Variants in TBC1D22A observed in about 807,000 individuals in gnomAD.
TBC1D22A encodes TBC1 domain family member 22A.
In TBC1D22A, 38 loss-of-function variants were observed where a neutral mutation model predicts 60.2. The ratio of observed to expected loss-of-function variants is 0.63; its 90% CI spans 0.49 to 0.83. The LOEUF is 0.83. Among genes scored for constraint, TBC1D22A ranks in the 40% least tolerant of loss-of-function variants. TBC1D22A has a pLI of 0.00. For synonymous variants in TBC1D22A, 302 were observed against 281.7 expected, an observed-to-expected ratio of 1.07 and a Z score of -0.72; for missense variants, 628 against 701.0, an observed-to-expected ratio of 0.90 and a Z score of 1.18.
At chr22:46,778,415 A>G (rs934733980) in intron 1 of TBC1D22A, among the ~76,000 whole-genome samples, 1 of 152,170 alleles carries the variant, frequency 6.6e-6, no homozygotes, top group African/African-American at 2.4e-5. Context: ...TTTTCTTTAT[A>G]TCCTGACTCG....
chr22:47,088,976 G>A (rs2064808992), intron 11 of TBC1D22A, among the ~76,000 whole-genome samples: 1 of 152,168 alleles, frequency 6.6e-6, no homozygotes, highest in Non-Finnish European at 1.5e-5. Context: ...GGAAACGGAT[G>A]GAACTCAGCA....
At chr22:47,136,629 C>T (rs543048791) in intron 12 of TBC1D22A, among the ~76,000 whole-genome samples, 10 of 148,946 alleles carry the variant, frequency 6.7e-5, no homozygotes, top group Non-Finnish European at 1.3e-4. Context: ...ACCAAGAGCC[C>T]GGGCAATCAG....
At chr22:47,154,012 T>G (rs2067610087) in intron 12 of TBC1D22A, among the ~76,000 whole-genome samples, 1 of 151,668 alleles carries the variant, frequency 6.6e-6, no homozygotes, top group Non-Finnish European at 1.5e-5. Flanking sequence ...GAGGTGTGAG[T>G]GGCTGTGAGA....
intron 11 of TBC1D22A, among the ~76,000 whole-genome samples, chr22:47,075,304 G>T (rs1462555068): frequency 6.6e-6 from 1 of 151,948 alleles, no homozygotes; most frequent in Non-Finnish European, 1.5e-5. Flanking sequence ...TGTGTGTGTT[G>T]GGGGAGGCTT....
At position 46,793,494 on chromosome 22, in the gene TBC1D22A, A is replaced by T. The variant is rs778865963; in HGVS notation, c.120-7A>T. 22 of 1,613,938 alleles carry T rather than the reference A, an allele frequency of 1.4e-5. No individual in the cohort carries two copies. Among genetic ancestry groups the T allele is most frequent in the Non-Finnish European group, 1.9e-5 (22 of 1,179,996 alleles). ...ATGTACGAGTAAAGACTGCCTTTGC[A>T]TTGCAGTTTGCTCAGGTCCACGGCC... On this transcript the variant is annotated splice_region_variant and splice_polypyrimidine_tract_variant and intron_variant, in intron 2 of 12. Coordinates refer to ENST00000337137, the MANE Select transcript of TBC1D22A (RefSeq NM_014346.5).
At chr22:46,975,248 C>T (rs539611161) in intron 9 of TBC1D22A, among the ~76,000 whole-genome samples, 6 of 152,210 alleles carry the variant, frequency 3.9e-5, no homozygotes, top group South Asian at 2.1e-4. Context: ...AGGCCTGCTC[C>T]GGAAGCTCAC....
chr22:46,819,085 T>C (rs1812200251), intron 4 of TBC1D22A, among the ~76,000 whole-genome samples: 1 of 152,236 alleles, frequency 6.6e-6, no homozygotes, highest in South Asian at 2.1e-4. Context: ...ATTGGTTTTG[T>C]ATCCTGAGAC....
At chr22:46,807,945 TGA>T (rs2085219840) in intron 4 of TBC1D22A, among the ~76,000 whole-genome samples, 1 of 151,926 alleles carries the variant, frequency 6.6e-6, no homozygotes, top group African/African-American at 2.4e-5. Flanking sequence ...CCGGCCTGGG[TGA>T]CAGAGCAACA....
rs1054370885 is a variant in TBC1D22A, at chr22:46,763,147, G to A, written c.62+299G>A. The A allele has an allele frequency of 1.3e-5, 5 of 388,136 alleles. No individual in the cohort carries two copies. In the Admixed American group the frequency reaches 1.4e-4, roughly 11 times the overall value. The allele number at this position is 388,136 out of a possible 1,614,324, so 24.0% of individuals were successfully genotyped here. A position where few individuals can be genotyped will look rare whatever the true frequency, so the allele number is the denominator to read the frequency against. On this transcript the variant is annotated intron_variant, in intron 1 of 12. Coordinates refer to ENST00000337137, the MANE Select transcript of TBC1D22A (RefSeq NM_014346.5). ...CTGGGCTCCTTGGGGAGGCTGGAAG[G>A]AACTGATTCGGGTCATGCTGTGAAG... is the stretch of plus-strand genomic sequence containing the variant.
intron 7 of TBC1D22A, among the ~76,000 whole-genome samples, chr22:46,903,221 GA>G (rs1345116590): frequency 6.6e-6 from 1 of 152,164 alleles, no homozygotes; most frequent in African/African-American, 2.4e-5. Flanking sequence ...GCTGAGGGCC[GA>G]GGGTTGAGGT....
At chr22:46,862,442 G>T (rs986137308) in intron 4 of TBC1D22A, among the ~76,000 whole-genome samples, 1 of 152,160 alleles carries the variant, frequency 6.6e-6, no homozygotes, top group Non-Finnish European at 1.5e-5. Flanking sequence ...GCCTTCCTCA[G>T]CCCCCTCTTG....
chr22:46,786,359 A>G (rs2084160366), intron 1 of TBC1D22A, among the ~76,000 whole-genome samples: 1 of 152,186 alleles, frequency 6.6e-6, no homozygotes, highest in African/African-American at 2.4e-5. Flanking sequence ...TCTTGGATAA[A>G]TTCCACTTGA....
At chr22:46,941,606 ACG>A (rs1491096068) in intron 8 of TBC1D22A, among the ~76,000 whole-genome samples, 1 of 145,990 alleles carries the variant, frequency 6.8e-6, no homozygotes, top group African/African-American at 2.5e-5. Context: ...GAATATATAT[ACG>A]CGGAATATAT....
intron 12 of TBC1D22A, among the ~76,000 whole-genome samples, chr22:47,123,567 C>T (rs961793642): frequency 1.3e-5 from 2 of 152,208 alleles, no homozygotes; most frequent in African/African-American, 2.4e-5. Flanking sequence ...CAGAATGGCC[C>T]GTGGCAGTGG....
At chr22:47,130,522 C>T (rs2066642362) in intron 12 of TBC1D22A, among the ~76,000 whole-genome samples, 1 of 152,222 alleles carries the variant, frequency 6.6e-6, no homozygotes, top group South Asian at 2.1e-4. Context: ...AAGCCACTTC[C>T]TCGCAGGCTT....
chr22:47,145,798 T>A (rs557186440), intron 12 of TBC1D22A, among the ~76,000 whole-genome samples: 1 of 152,264 alleles, frequency 6.6e-6, no homozygotes, highest in East Asian at 1.9e-4. Context: ...TTGTGTAACC[T>A]TCAGGGCTTA....
intron 1 of TBC1D22A, among the ~76,000 whole-genome samples, chr22:46,771,756 G>A (rs540815958): frequency 2.4e-4 from 36 of 151,972 alleles, no homozygotes; most frequent in South Asian, 2.1e-3. Flanking sequence ...CACCATGCCC[G>A]CCTAATTTTT....
intron 12 of TBC1D22A, among the ~76,000 whole-genome samples, chr22:47,118,901 C>T (rs985930650): frequency 2.0e-5 from 3 of 152,196 alleles, no homozygotes; most frequent in Non-Finnish European, 4.4e-5. Flanking sequence ...CCTGTAATCC[C>T]AGCACTTTGG....
intron 12 of TBC1D22A, chr22:47,115,742 C>A (rs547680557): frequency 6.6e-6 from 1 of 152,336 alleles, no homozygotes; most frequent in African/African-American, 2.4e-5. Context: ...GCACACGTGG[C>A]ACGGTGAGTG....
Sources: gnomAD v4.1 joint callset for allele counts (sites outside exome capture counted in the v4.1 genomes callset) on GRCh38, gnomAD v4.1.1 for gene constraint, MANE v1.5 for transcripts, NCBI Gene and HGNC (gene_info 2026-07-23, HGNC 2026-07-21) for gene names.